The following KIRREL3 variants were observed in gnomAD, a reference collection of about 807,000 sequenced individuals.
KIRREL3 encodes the protein kin of IRRE-like protein 3.
KIRREL3 carries 36 observed loss-of-function variants against 89.7 expected under a neutral mutation model. That is an observed-to-expected ratio of 0.40 (90% confidence interval 0.31 to 0.53). The LOEUF (loss-of-function observed/expected upper bound fraction) is 0.53. KIRREL3 is among the 20% of genes least tolerant of loss of function. The pLI is 0.49. For missense variants in KIRREL3, 864 were observed against 1,056.6 expected (o/e 0.82, Z 2.53); for synonymous variants, 445 against 441.4 (o/e 1.01, Z -0.10).
At chr11:126,899,235 C>T (rs573044541) in intron 1 of KIRREL3, among the ~76,000 whole-genome samples, 1 of 152,146 alleles carries the variant, frequency 6.6e-6, no homozygotes, top group South Asian at 2.1e-4. Flanking sequence ...ATAATGATCA[C>T]CTGGAGAGGC....
At position 126,459,416 on chromosome 11, in the gene KIRREL3, G is replaced by A. The variant is rs1266324583; in HGVS notation, c.743-2962C>T. ...ATCGTCTTTGGTGATCACCTGCCCCGAAGCGATTCACAAGGGTTCCACACT... is the reference window on the plus strand; with the variant it reads ...ATCGTCTTTGGTGATCACCTGCCCCAAAGCGATTCACAAGGGTTCCACACT... On this transcript the variant is annotated intron_variant, in intron 6 of 16. Coordinates refer to ENST00000525144, the MANE Select transcript of KIRREL3 (RefSeq NM_032531.4). This position sits in a 1 kb window ranked among gnomAD's most constrained non-coding sequence, Gnocchi z 4.8. 6.6e-6 allele frequency among the ~76,000 whole-genome samples: 1 copy of A among 152,036 alleles called. No individual in the cohort carries two copies. The highest frequency in any genetic ancestry group is 2.4e-5 in the African/African-American group (1 of 41,392).
chr11:126,817,634 T>C lies in KIRREL3; in HGVS notation c.55+182821A>G, dbSNP rs1177438263. Among the ~76,000 whole-genome samples the C allele has an allele frequency of 2.0e-5, 3 of 152,172 alleles. No individual in the cohort carries two copies. The highest frequency in any genetic ancestry group is 1.3e-4 in the Admixed American group (2 of 15,276). On this transcript the variant is annotated intron_variant, in intron 1 of 16. Transcript: ENST00000525144. The surrounding 1 kb of genome is among the most constrained non-coding windows in gnomAD (Gnocchi z 5.7). ...GCCTATGTGGCTGCAAAATGACACT[T>C]GTAAAATGACATGCAGAAGAGCAAT... is the stretch of plus-strand genomic sequence containing the variant.
chr11:126,488,254 T>G (rs1010670875), intron 4 of KIRREL3, among the ~76,000 whole-genome samples: 1 of 152,214 alleles, frequency 6.6e-6, no homozygotes, highest in African/African-American at 2.4e-5. Context: ...CCCAGGCCCC[T>G]GCATCTCCAG....
In KIRREL3 at chr11:126,427,456, G is replaced by A. The variant is rs546914407; in HGVS notation, c.1806+1723C>T. ...CGCCAGGGGTGGGGAGGACAAGCCCGGAACATCTTGGAGTTGATTGTTATG... is the reference window on the plus strand; with the variant it reads ...CGCCAGGGGTGGGGAGGACAAGCCCAGAACATCTTGGAGTTGATTGTTATG... On this transcript the variant is annotated intron_variant, in intron 15 of 16. Transcript: ENST00000525144. The surrounding 1 kb of genome is among the most constrained non-coding windows in gnomAD (Gnocchi z 5.3). Among the ~76,000 whole-genome samples the A allele has an allele frequency of 9.1e-4, 139 of 152,296 alleles. No homozygotes were observed. Among genetic ancestry groups the A allele is most frequent in the Non-Finnish European group, 1.2e-3 (85 of 68,014 alleles).
chr11:126,916,105 A>T (rs917860385), intron 1 of KIRREL3, among the ~76,000 whole-genome samples: 1 of 152,228 alleles, frequency 6.6e-6, no homozygotes, highest in Non-Finnish European at 1.5e-5. Flanking sequence ...AGTGATTAAT[A>T]GCGTTCTAAT....
At position 126,436,876 on chromosome 11, in the gene KIRREL3, A is replaced by G; in HGVS notation, c.1487T>C (p.Ile496Thr). Residue 496 changes from isoleucine (I) to threonine (T), a missense_variant, in exon 12 of 17, where the codon ATC becomes ACC. By Grantham distance (89) the Ile-to-Thr change is moderately conservative. Transcript: ENST00000525144. ...SNIVRADFQT[I>T]YNCTAWNSFG... ...GCTGTTCCAGGCCGTGCAGTTGTAG[A>G]TGGTCTGGAAGTCGGCCCGCACGAT... 3 of 1,613,668 alleles carry G rather than the reference A, an allele frequency of 1.9e-6. No homozygotes were observed. The highest frequency in any genetic ancestry group is 2.5e-6 in the Non-Finnish European group (3 of 1,179,848).
rs146703834 is a variant in KIRREL3 at position 126,614,171 on chromosome 11, C to T, written c.56-51259G>A. On this transcript the variant is annotated intron_variant, in intron 1 of 16. Transcript: ENST00000525144. This position sits in a 1 kb window ranked among gnomAD's most constrained non-coding sequence, Gnocchi z 4.6. ...AAAAGAGAAGGGGGATTAACATGTGCGCTTTAAGGGTTGGAAAAGTTCGAT... is the reference window on the plus strand; with the variant it reads ...AAAAGAGAAGGGGGATTAACATGTGTGCTTTAAGGGTTGGAAAAGTTCGAT... Among the ~76,000 whole-genome samples, 13 of 152,034 alleles carry T rather than the reference C, an allele frequency of 8.6e-5. No individual in the cohort carries two copies. Among genetic ancestry groups the T allele is most frequent in the Middle Eastern group, 3.4e-3 (1 of 294 alleles).
intron 1 of KIRREL3, among the ~76,000 whole-genome samples, chr11:126,646,478 T>TC (rs1173629879): frequency 6.7e-6 from 1 of 150,100 alleles, no homozygotes; most frequent in East Asian, 2.0e-4. Flanking sequence ...CAAGTATTTT[T>TC]TTTTTTTTTT....
intron 1 of KIRREL3, among the ~76,000 whole-genome samples, chr11:126,885,267 T>C (rs1565383023): frequency 1.3e-5 from 2 of 152,166 alleles, no homozygotes; most frequent in Non-Finnish European, 2.9e-5. Context: ...GATCCCAAAA[T>C]GGGAACACAG....
At chr11:126,447,467 T>TC (rs1375067615) in intron 8 of KIRREL3, among the ~76,000 whole-genome samples, 1 of 152,188 alleles carries the variant, frequency 6.6e-6, no homozygotes, top group African/African-American at 2.4e-5. Flanking sequence ...CCACGCCTCC[T>TC]CCCCCAGGGT....
intron 1 of KIRREL3, among the ~76,000 whole-genome samples, chr11:126,634,105 C>T (rs528263951): frequency 1.3e-5 from 2 of 152,178 alleles, no homozygotes; most frequent in East Asian, 1.9e-4. Context: ...GAAGGGAACA[C>T]GTTCTCTTTT....
intron 1 of KIRREL3, among the ~76,000 whole-genome samples, chr11:126,895,882 G>A (rs1415430257): frequency 6.6e-6 from 1 of 152,172 alleles, no homozygotes; most frequent in Admixed American, 6.5e-5. Context: ...CAGACCCTAG[G>A]CAATAAACAC....
intron 1 of KIRREL3, among the ~76,000 whole-genome samples, chr11:126,838,661 T>C (rs1160296272): frequency 6.6e-6 from 1 of 152,210 alleles, no homozygotes; most frequent in Non-Finnish European, 1.5e-5. Flanking sequence ...TTTTTGCATA[T>C]AGATGTATAT....
At chr11:126,425,843 C>G in intron 15 of KIRREL3, 119 bp from the exon 16 acceptor site, 3 of 719,912 alleles carry the variant, frequency 4.2e-6, no homozygotes, top group Admixed American at 2.5e-5. Context: ...CCACCCCTCA[C>G]TGCCTGGACC....
chr11:126,545,123 CTT>C (rs1199429699), intron 2 of KIRREL3, among the ~76,000 whole-genome samples: 1 of 152,116 alleles, frequency 6.6e-6, no homozygotes, highest in Non-Finnish European at 1.5e-5. Flanking sequence ...TATAATGAAA[CTT>C]AATGGCATTG....
chr11:126,639,109 C>A lies in KIRREL3; in HGVS notation c.56-76197G>T, dbSNP rs904343593. 2.0e-5 allele frequency among the ~76,000 whole-genome samples: 3 copies of A among 152,154 alleles called. No homozygotes were observed. The highest frequency in any genetic ancestry group is 4.8e-5 in the African/African-American group (2 of 41,436). On this transcript the variant is annotated intron_variant, in intron 1 of 16. Transcript: ENST00000525144. The surrounding 1 kb of genome is among the most constrained non-coding windows in gnomAD (Gnocchi z 4.3). ...AGTTTCCAGTTTCTTCATGACTTGG[C>A]CAGCCCCCCAATCATCCCAAAGCCC...
rs565128224 is a variant in KIRREL3 at position 126,430,461 on chromosome 11, A to ATATGTGTATATATGCG, written c.1696+942_1696+957dup. 6.6e-6 allele frequency among the ~76,000 whole-genome samples: 1 copy of ATATGTGTATATATGCG among 152,132 alleles called. No individual in the cohort carries two copies. Among genetic ancestry groups the ATATGTGTATATATGCG allele is most frequent in the Non-Finnish European group, 1.5e-5 (1 of 68,028 alleles). The stretch of plus-strand genomic sequence containing the variant: ...CCCTATATAAAAAAAAACCGTATAT[A>ATATGTGTATATATGCG]TATGTGTATATATGCGTATGTGTAT... On this transcript the variant is annotated intron_variant, in intron 14 of 16. Coordinates refer to ENST00000525144, the MANE Select transcript of KIRREL3 (RefSeq NM_032531.4). The surrounding 1 kb of genome is among the most constrained non-coding windows in gnomAD (Gnocchi z 6.6).
rs183901308 is a variant in KIRREL3, at chr11:126,931,251, A to G, written c.55+69204T>C. Among the ~76,000 whole-genome samples the G allele has an allele frequency of 6.6e-6, 1 of 152,340 alleles. No individual in the cohort carries two copies. The highest frequency in any genetic ancestry group is 1.5e-5 in the Non-Finnish European group (1 of 68,032). ...GACACTGTTGTTATCTCCAGAACCTATCGCAGTGTCTGGCACATAGGATGT... is the reference window on the plus strand; with the variant it reads ...GACACTGTTGTTATCTCCAGAACCTGTCGCAGTGTCTGGCACATAGGATGT... On this transcript the variant is annotated intron_variant, in intron 1 of 16. Coordinates refer to ENST00000525144, the MANE Select transcript of KIRREL3 (RefSeq NM_032531.4). The surrounding 1 kb of genome is among the most constrained non-coding windows in gnomAD (Gnocchi z 5.1).
At chr11:126,625,163 T>G (rs1456510412) in intron 1 of KIRREL3, among the ~76,000 whole-genome samples, 1 of 152,210 alleles carries the variant, frequency 6.6e-6, no homozygotes, top group Non-Finnish European at 1.5e-5. Context: ...TCTGAGCATG[T>G]GACCACTTCA....
Sources: gnomAD v4.1 joint callset for allele counts (sites outside exome capture counted in the v4.1 genomes callset) on GRCh38, gnomAD v4.1.1 for gene constraint, Gnocchi (gnomAD v3.1) non-coding constraint, MANE v1.5 for transcripts, NCBI Gene and HGNC (gene_info 2026-07-23, HGNC 2026-07-21) for gene names.